Variants in SLC14A2 observed in about 807,000 individuals in gnomAD.
SLC14A2 encodes urea transporter 2.
Under a neutral mutation model 104.6 loss-of-function variants are expected in SLC14A2, and 91 were observed. That is an observed-to-expected ratio of 0.87 (90% CI 0.73 to 1.04). The LOEUF is 1.04. Ranked by LOEUF, SLC14A2 falls within the 50% of genes least tolerant of loss-of-function variation. The probability of loss-of-function intolerance (pLI) is 0.00; values close to 1 mark genes in which losing one functional copy is unlikely to be tolerated. For missense variants in SLC14A2, 1,189 were observed against 1,156.0 expected, an observed-to-expected ratio of 1.03 and a Z score of -0.41; for synonymous variants, 476 against 466.4, an observed-to-expected ratio of 1.02 and a Z score of -0.27.
chr18:45,415,308 G>A (rs761645544), intron 1 of SLC14A2, among the ~76,000 whole-genome samples: 11 of 152,022 alleles, frequency 7.2e-5, no homozygotes, highest in South Asian at 4.2e-4. Flanking sequence ...AATTTTATAC[G>A]ACTGAGCACT....
intron 1 of SLC14A2, among the ~76,000 whole-genome samples, chr18:45,275,087 T>C (rs1345291147): frequency 6.6e-6 from 1 of 152,208 alleles, no homozygotes; most frequent in Non-Finnish European, 1.5e-5. Context: ...AACATAGAGC[T>C]TGGAAAGGGG....
chr18:45,546,653 T>C (rs1022815870), intron 2 of SLC14A2, among the ~76,000 whole-genome samples: 4 of 152,246 alleles, frequency 2.6e-5, no homozygotes, highest in African/African-American at 9.6e-5. Flanking sequence ...GAAGCCAGAC[T>C]GATTTCAAAT....
At chr18:45,289,490 A>G (rs1212566567) in intron 1 of SLC14A2, among the ~76,000 whole-genome samples, 1 of 152,152 alleles carries the variant, frequency 6.6e-6, no homozygotes, top group Non-Finnish European at 1.5e-5. Context: ...ACTTTTTTAA[A>G]AGCTCACAAA....
intron 2 of SLC14A2, among the ~76,000 whole-genome samples, chr18:45,490,155 G>C (rs2087694208): frequency 6.6e-6 from 1 of 152,164 alleles, no homozygotes; most frequent in Non-Finnish European, 1.5e-5. Context: ...AAAGGGCCAA[G>C]AACAGTCCAA....
Position 45,512,467 on chromosome 18 carries a change from A to T in SLC14A2, c.-35+29145A>T, listed in dbSNP as rs80274584. Among the ~76,000 whole-genome samples, 439 of 152,296 alleles carry T rather than the reference A, an allele frequency of 2.9e-3. 2 individuals carry two copies. The highest frequency in any genetic ancestry group is 5.1e-3 in the Non-Finnish European group (345 of 68,020). On this transcript the variant is annotated intron_variant, in intron 2 of 20. Coordinates refer to the SLC14A2 transcript ENST00000586448. Reference sequence around the variant, plus strand: ...TTCGTTGGAGTACAGTTTAAAAGAGAGAGAGGCTTCCAGATGCCTTTCCAT... The same window carrying T: ...TTCGTTGGAGTACAGTTTAAAAGAGTGAGAGGCTTCCAGATGCCTTTCCAT...
intron 1 of SLC14A2, among the ~76,000 whole-genome samples, chr18:45,424,335 C>T (rs559342630): frequency 6.6e-6 from 1 of 152,282 alleles, no homozygotes; most frequent in Admixed American, 6.5e-5. Context: ...GAGTGAGACT[C>T]CATCCAGTGC....
chr18:45,312,221 C>A (rs1286208385), intron 1 of SLC14A2, among the ~76,000 whole-genome samples: 1 of 152,128 alleles, frequency 6.6e-6, no homozygotes, highest in African/African-American at 2.4e-5. Context: ...TGGTGTTTTT[C>A]TCACAATACA....
intron 1 of SLC14A2, among the ~76,000 whole-genome samples, chr18:45,369,546 T>A (rs571359567): frequency 1.9e-3 from 284 of 152,334 alleles, no homozygotes; most frequent in Non-Finnish European, 3.2e-3. Flanking sequence ...CCAACGAGGA[T>A]AAACTAAGAT....
chr18:45,567,098 G>GTGTGTA (rs1491048154), intron 2 of SLC14A2, among the ~76,000 whole-genome samples: 1 of 145,828 alleles, frequency 6.9e-6, no homozygotes, highest in Non-Finnish European at 1.5e-5. Flanking sequence ...GTGTGTGTGT[G>GTGTGTA]TAACTCACAA....
intron 1 of SLC14A2, among the ~76,000 whole-genome samples, chr18:45,385,829 G>T (rs1203484612): frequency 6.6e-6 from 1 of 152,154 alleles, no homozygotes; most frequent in Non-Finnish European, 1.5e-5. Flanking sequence ...TATTCCAGGG[G>T]TTATATAGAA....
At chr18:45,193,839 C>T in the SLC14A2 span, among the ~76,000 whole-genome samples, 6 of 152,134 alleles carry the variant, frequency 3.9e-5, no homozygotes, top group Non-Finnish European at 7.4e-5. Context: ...TTTTCTATTC[C>T]ATGACTACAG....
upstream of SLC14A2, among the ~76,000 whole-genome samples, chr18:45,210,954 T>C (rs2083956391): frequency 1.3e-5 from 2 of 152,198 alleles, no homozygotes; most frequent in South Asian, 4.1e-4. Context: ...AAACAAAGAC[T>C]GAGGCCCAGA....
chr18:45,606,422 C>T (rs1285961610), intron 2 of SLC14A2, among the ~76,000 whole-genome samples: 1 of 151,978 alleles, frequency 6.6e-6, no homozygotes, highest in African/African-American at 2.4e-5. Flanking sequence ...AGAGGTGGGT[C>T]GGAAATTACT....
rs191461870 is a variant in SLC14A2 at position 45,358,290 on chromosome 18, G to A, written c.-124-124943G>A. ...GCTTAGGTGGCCAGTGATTAATGAC[G>A]CTTGGACAGCAGCCTGGTTGCTTTG... is the stretch of plus-strand genomic sequence containing the variant. On this transcript the variant is annotated intron_variant, in intron 1 of 20. Coordinates refer to the SLC14A2 transcript ENST00000586448. Among the ~76,000 whole-genome samples the A allele has an allele frequency of 2.8e-3, 433 of 152,286 alleles. 2 individuals are homozygous for A. Among genetic ancestry groups the A allele is most frequent in the Middle Eastern group, 0.01 (3 of 294 alleles).
chr18:45,337,508 C>G (rs988125259), intron 1 of SLC14A2, among the ~76,000 whole-genome samples: 7 of 152,110 alleles, frequency 4.6e-5, no homozygotes, highest in Admixed American at 1.3e-4. Flanking sequence ...CTTCCTCAAC[C>G]AACTGACTAG....
chr18:45,369,122 C>A (rs1165560308), intron 1 of SLC14A2, among the ~76,000 whole-genome samples: 1 of 152,178 alleles, frequency 6.6e-6, no homozygotes, highest in African/African-American at 2.4e-5. Context: ...CAAATAAACA[C>A]TAACACTGCT....
chr18:45,528,146 A>G (rs2144824288), intron 2 of SLC14A2: 1 of 133,744 alleles, frequency 7.5e-6, no homozygotes, highest in Admixed American at 8.1e-5. Flanking sequence ...TTTTGACCAA[A>G]GTTACAACTG....
At chr18:45,311,445 G>C (rs757496351) in intron 1 of SLC14A2, among the ~76,000 whole-genome samples, 54 of 152,182 alleles carry the variant, frequency 3.5e-4, no homozygotes, top group Admixed American at 7.2e-4. Context: ...CAAAATCTCA[G>C]TTTTCCCATG....
intron 2 of SLC14A2, among the ~76,000 whole-genome samples, chr18:45,535,543 A>G (rs1473618902): frequency 6.6e-6 from 1 of 152,130 alleles, no homozygotes. Flanking sequence ...GAGGTTGAAT[A>G]ACTTGTCTAA....
Sources: gnomAD v4.1 joint callset for allele counts (sites outside exome capture counted in the v4.1 genomes callset) on GRCh38, gnomAD v4.1.1 for gene constraint, MANE v1.5 for transcripts, NCBI Gene and HGNC (gene_info 2026-07-23, HGNC 2026-07-21) for gene names.